The following SLC23A3 variants were observed in gnomAD, a reference collection of about 807,000 sequenced individuals.
SLC23A3 encodes the protein solute carrier family 23 member 3, also known as E2-binding protein 3.
A neutral mutation model predicts 64.7 loss-of-function variants in SLC23A3; 41 were observed. That is an observed-to-expected ratio of 0.63 (90% CI 0.49 to 0.82). SLC23A3 has a LOEUF of 0.82. SLC23A3 is among the 40% of genes least tolerant of loss of function. The probability of loss-of-function intolerance (pLI) is 0.00; values close to 1 mark genes in which losing one functional copy is unlikely to be tolerated. For synonymous variants in SLC23A3, 281 were observed against 306.8 expected (o/e 0.92, Z 0.88); for missense variants, 647 against 733.4 (o/e 0.88, Z 1.36).
intron 9 of SLC23A3, 91 bp from the exon 10 acceptor site, chr2:219,163,646 G>T: frequency 8.2e-7 from 1 of 1,212,754 alleles, no homozygotes; most frequent in Non-Finnish European, 1.2e-6. Context: ...GTTGTAATGG[G>T]AAACAAATAA....
intron 9 of SLC23A3, among the ~76,000 whole-genome samples, chr2:219,163,858 C>T (rs1363817600): frequency 2.0e-5 from 3 of 152,038 alleles, no homozygotes; most frequent in African/African-American, 7.2e-5. Context: ...TGTGCCACCA[C>T]GCCCAGCTAA....
intron 5 of SLC23A3, 58 bp downstream of exon 5, chr2:219,168,594 C>A: frequency 1.3e-6 from 2 of 1,542,258 alleles, no homozygotes; most frequent in Non-Finnish European, 1.8e-6. Context: ...CTGCCCTCCC[C>A]TAGTCCCCCC....
At chr2:219,167,801 T>C (rs1487227695) in intron 7 of SLC23A3, 129 bp downstream of exon 7, 2 of 741,610 alleles carry the variant, frequency 2.7e-6, no homozygotes, top group Non-Finnish European at 4.5e-6. Context: ...CTCAGACTGA[T>C]AATTTCTCTC....
In SLC23A3 at chr2:219,165,319, G is replaced by C; in HGVS notation, c.1017C>G (p.Gly339=). The C allele has an allele frequency of 6.4e-7, 1 of 1,551,624 alleles. No individual in the cohort carries two copies. The highest frequency in any genetic ancestry group is 8.7e-7 in the Non-Finnish European group (1 of 1,146,986). The change falls in exon 8 of 12, where the codon GGC becomes GGG. Residue 339 remains glycine (G), a synonymous_variant. Coordinates refer to ENST00000409878, the MANE Select transcript of SLC23A3 (RefSeq NM_001144889.2). ...GTGGGGGAGGCAAATGCAGCAGCCGGCCACACAGGGCATAGCAGCCCAGGG... is the reference window on the plus strand; with the variant it reads ...GTGGGGGAGGCAAATGCAGCAGCCGCCCACACAGGGCATAGCAGCCCAGGG... The part of the protein sequence containing the change: ...TSSLGCYALC[G]RLLHLPPPPP...
At position 219,168,807 on chromosome 2, in the gene SLC23A3, C is replaced by T. The variant is rs1464683912; in HGVS notation, c.519G>A (p.Gly173=). ...GCAGCCCCATCATGCCCTGCAGCAG[C>T]CCAGATACTACCACTGCCCCGGACA... The part of the protein sequence containing the change: ...QEVSGAVVVS[G]LLQGMMGLLG... Residue 173 remains glycine, a synonymous_variant, in exon 5 of 12, where the codon GGG becomes GGA. Coordinates refer to ENST00000409878, the MANE Select transcript of SLC23A3 (RefSeq NM_001144889.2). 2.5e-6 allele frequency: 4 copies of T among 1,596,616 alleles called. No individual in the cohort carries two copies. The African/African-American group carries it at 5.4e-5, about 21-fold the overall frequency.
At chr2:219,166,558 A>C (rs1041759234) in intron 7 of SLC23A3, among the ~76,000 whole-genome samples, 1 of 151,342 alleles carries the variant, frequency 6.6e-6, no homozygotes, top group African/African-American at 2.4e-5. Flanking sequence ...TTTTATAAAC[A>C]AGGTCTCACT....
Position 219,169,994 on chromosome 2 carries a change from C to T in SLC23A3, c.-10G>A. On this transcript the variant is annotated 5_prime_UTR_variant, in exon 1 of 12. Transcript: ENST00000409878. The surrounding 1 kb of genome is among the most constrained non-coding windows in gnomAD (Gnocchi z 4.5). ...GGGGTGATCGGCTCATGCTGCCTTG[C>T]CTTTCGCTTTGTCTTGGCTGCCCGG... 1 of 1,613,158 alleles carries T rather than the reference C, an allele frequency of 6.2e-7. No homozygotes were observed. The highest frequency in any genetic ancestry group is 8.5e-7 in the Non-Finnish European group (1 of 1,179,712).
At chr2:219,164,119 C>T (rs1348898277) in intron 9 of SLC23A3, 114 bp downstream of exon 9, 2 of 684,244 alleles carry the variant, frequency 2.9e-6, no homozygotes, top group Admixed American at 2.6e-5. Flanking sequence ...TCCATCCATC[C>T]ACCCATCCAT....
chr2:219,161,912 T>A lies in SLC23A3; in HGVS notation c.1830A>T (p.Lys610Asn). 3 of 1,547,154 alleles carry A rather than the reference T, an allele frequency of 1.9e-6. No individual in the cohort carries two copies. Among genetic ancestry groups the A allele is most frequent in the Non-Finnish European group, 2.6e-6 (3 of 1,147,512 alleles). The change falls in exon 12 of 12, where the codon AAA (lysine) becomes AAT (asparagine). Residue 610 changes from lysine (K) to asparagine (N), a missense_variant. By Grantham distance (94) the Lys-to-Asn change is moderately conservative. Transcript: ENST00000409878. ...ESSREGFRSQ[K>N] is the part of the protein sequence containing the mutation. ...AGGGCAGAAGTAGGCGTTCTGGTCATTTCTGGGACCTAAACCCTTCTCTGC... is the reference window on the plus strand; with the variant it reads ...AGGGCAGAAGTAGGCGTTCTGGTCAATTCTGGGACCTAAACCCTTCTCTGC...
intron 10 of SLC23A3, 135 bp downstream of exon 10, chr2:219,163,253 A>G: frequency 4.5e-6 from 4 of 881,184 alleles, no homozygotes; most frequent in South Asian, 1.6e-5. Context: ...ATAGTGCTCA[A>G]TAAATATCTG....
In SLC23A3 at chr2:219,164,988, TC is replaced by T. The variant is rs1459825261; in HGVS notation, c.1167+180del. 28 of 746,018 alleles carry T rather than the reference TC, an allele frequency of 3.8e-5. No individual in the cohort carries two copies. In the South Asian group the frequency reaches 4.9e-4, roughly 13 times the overall value. 46.2% of individuals were successfully genotyped at this position (746,018 alleles called of 1,614,324 possible). A position where few individuals can be genotyped will look rare whatever the true frequency, so the allele number is the denominator to read the frequency against. Reference sequence around the variant, plus strand: ...GATACAGTGCCTCATGCACAGGAGTTCCGTGGTGATTTGTTCACTTCCCCAC... The same window carrying T: ...GATACAGTGCCTCATGCACAGGAGTTCGTGGTGATTTGTTCACTTCCCCAC... On this transcript the variant is annotated intron_variant, in intron 8 of 11. Coordinates refer to ENST00000409878, the MANE Select transcript of SLC23A3 (RefSeq NM_001144889.2).
chr2:219,164,128 A>G, intron 9 of SLC23A3, 105 bp downstream of exon 9: 1 of 723,566 alleles, frequency 1.4e-6, no homozygotes, highest in South Asian at 1.7e-5. Flanking sequence ...CCACCCATCC[A>G]TCCAGGAAAG....
At position 219,169,553 on chromosome 2, in the gene SLC23A3, C is replaced by T; in HGVS notation, c.288G>A (p.Met96Ile). 1 of 1,614,156 alleles carries T rather than the reference C, an allele frequency of 6.2e-7. No individual in the cohort carries two copies. The highest frequency in any genetic ancestry group is 1.7e-5 in the Admixed American group (1 of 60,010). ...LLASSFFSCG[M>I]STILQTWMGS... ...CCATCCAAGTTTGCAGGATGGTAGA[C>T]ATACCACATGAAAAGAAGCTGGAGG... Residue 96 changes from methionine (M) to isoleucine (I), a missense_variant, in exon 2 of 12, where the codon ATG becomes ATA. Transcript: ENST00000409878. The surrounding 1 kb of genome is among the most constrained non-coding windows in gnomAD (Gnocchi z 4.5).
intron 9 of SLC23A3, 150 bp downstream of exon 9, chr2:219,164,083 G>C: frequency 1.6e-6 from 1 of 614,776 alleles, no homozygotes; most frequent in Non-Finnish European, 2.9e-6. Context: ...AATTGAGGCT[G>C]ACACATGCTC....
rs906417922 is a variant in SLC23A3 at position 219,164,254 on chromosome 2, T to C, written c.1252A>G (p.Thr418Ala). Residue 418 changes from threonine (T) to alanine (A), a missense_variant, in exon 9 of 12, where the codon ACC (threonine) becomes GCC (alanine). Physicochemically the swap from Thr to Ala is moderately conservative, Grantham distance 58. Transcript: ENST00000409878. ...TCACCAACAACAGGCAGTGGGATGG[T>C]GGTGAGGAGCTGAGCCAACCTGGGG... ...LSPRLAQLLTTIPLPVVGGVL... is the reference protein window; with the variant it reads ...LSPRLAQLLTAIPLPVVGGVL... The C allele has an allele frequency of 1.2e-5, 19 of 1,608,882 alleles. No individual in the cohort carries two copies. The East Asian group carries it at 4.3e-4, about 36-fold the overall frequency.
intron 10 of SLC23A3, 77 bp from the exon 11 acceptor site, chr2:219,162,471 T>G: frequency 9.7e-7 from 1 of 1,028,082 alleles, no homozygotes; most frequent in South Asian, 1.3e-5. Context: ...CTCCCAGACC[T>G]AAACCTAAGC....
At position 219,168,765 on chromosome 2, in the gene SLC23A3, G is replaced by A. The variant is rs200787959; in HGVS notation, c.561C>T (p.His187=). The A allele has an allele frequency of 6.6e-4, 1,063 of 1,611,458 alleles. 1 individual carries two copies. Among genetic ancestry groups the A allele is most frequent in the Non-Finnish European group, 8.3e-4 (984 of 1,178,698 alleles). The change falls in exon 5 of 12, where the codon CAC becomes CAT. Residue 187 remains histidine, a synonymous_variant. Transcript: ENST00000409878. The part of the protein sequence containing the change: ...GMMGLLGSPG[H]VFPHCGPLVL... Reference sequence around the variant, plus strand: ...CCAGGGGCCCACAGTGGGGGAACACGTGGCCGGGACTCCCCAGCAGCCCCA... The same window carrying A: ...CCAGGGGCCCACAGTGGGGGAACACATGGCCGGGACTCCCCAGCAGCCCCA...
Position 219,167,983 on chromosome 2 carries a change from G to C in SLC23A3, c.860C>G (p.Pro287Arg). The change falls in exon 7 of 12, where the codon CCC becomes CGC. Residue 287 changes from proline (P) to arginine (R), a missense_variant. Coordinates refer to ENST00000409878, the MANE Select transcript of SLC23A3 (RefSeq NM_001144889.2). ...VSAFVGFSVIPQELSAPTKAP... is the reference protein window; with the variant it reads ...VSAFVGFSVIRQELSAPTKAP... Reference sequence around the variant, plus strand: ...CTTGGTGGGGGCAGACAGTTCCTGGGGGATAACACTGAATCCCACAAAGGC... The same window carrying C: ...CTTGGTGGGGGCAGACAGTTCCTGGCGGATAACACTGAATCCCACAAAGGC... The C allele has an allele frequency of 6.3e-7, 1 of 1,589,958 alleles. No homozygotes were observed. Among genetic ancestry groups the C allele is most frequent in the Middle Eastern group, 1.7e-4 (1 of 5,962 alleles).
chr2:219,165,545 A>G, intron 7 of SLC23A3, 123 bp from the exon 8 acceptor site: 2 of 1,176,204 alleles, frequency 1.7e-6, no homozygotes, highest in Admixed American at 2.9e-5. Flanking sequence ...GTCTTGGGAC[A>G]AAACTACTGA....
Sources: gnomAD v4.1 joint callset for allele counts (sites outside exome capture counted in the v4.1 genomes callset) on GRCh38, gnomAD v4.1.1 for gene constraint, Gnocchi (gnomAD v3.1) non-coding constraint, MANE v1.5 for transcripts, NCBI Gene and HGNC (gene_info 2026-07-23, HGNC 2026-07-21) for gene names.